Variants in SLC6A3 observed in about 807,000 individuals in gnomAD.
SLC6A3 encodes solute carrier family 6 member 3.
In SLC6A3, 19 loss-of-function variants were observed where a neutral mutation model predicts 70.4. The ratio of observed to expected loss-of-function variants is 0.27; its 90% CI spans 0.19 to 0.40. The LOEUF is 0.40. SLC6A3 is among the 10% of genes least tolerant of loss of function. The probability of loss-of-function intolerance (pLI) is 1.00; values close to 1 mark genes in which losing one functional copy is unlikely to be tolerated. For missense variants in SLC6A3, 613 were observed against 838.5 expected (o/e 0.73, Z 3.32); for synonymous variants, 368 against 356.6 (o/e 1.03, Z -0.36).
intron 4 of SLC6A3, among the ~76,000 whole-genome samples, chr5:1,422,472 G>A (rs868741931): frequency 1.0e-3 from 127 of 123,978 alleles, no homozygotes; most frequent in African/African-American, 3.7e-3. Context: ...GCTGCTGGGT[G>A]CCCACCGCTG....
rs1341710679 is a variant in SLC6A3, at chr5:1,421,843, C to A, written c.792+33G>T. ...ACATGTCCACTTGGTGGCCCCATGT[C>A]TACAGGCCCAATTGGTGACCCCCGA... On this transcript the variant is annotated intron_variant, in intron 5 of 14. Transcript: ENST00000270349. This position sits in a 1 kb window ranked among gnomAD's most constrained non-coding sequence, Gnocchi z 7.2. The A allele has an allele frequency of 6.2e-7, 1 of 1,611,762 alleles. No homozygotes were observed. The highest frequency in any genetic ancestry group is 1.1e-5 in the South Asian group (1 of 91,052).
In SLC6A3 at chr5:1,405,621, C is replaced by T. The variant is rs187969270; in HGVS notation, c.1599+567G>A. On this transcript the variant is annotated intron_variant, in intron 12 of 14. Coordinates refer to ENST00000270349, the MANE Select transcript of SLC6A3 (RefSeq NM_001044.5). This position sits in a 1 kb window ranked among gnomAD's most constrained non-coding sequence, Gnocchi z 5.3. ...GCAGGCAATCCCTAATGAAAGTGTG[C>T]GGCCACCTTCCAACAAAACTCTATT... Among the ~76,000 whole-genome samples the T allele has an allele frequency of 4.6e-5, 7 of 152,330 alleles. No individual in the cohort carries two copies. The highest frequency in any genetic ancestry group is 1.9e-4 in the East Asian group (1 of 5,186).
intron 2 of SLC6A3, 78 bp from the exon 3 acceptor site, chr5:1,441,568 C>A: frequency 6.5e-7 from 1 of 1,530,220 alleles, no homozygotes; most frequent in Non-Finnish European, 8.9e-7. Flanking sequence ...GGCGGCTACC[C>A]CAGTCAACCA....
chr5:1,444,237 G>A (rs1022105124), intron 1 of SLC6A3, among the ~76,000 whole-genome samples: 1 of 152,100 alleles, frequency 6.6e-6, no homozygotes, highest in Admixed American at 6.5e-5. Context: ...CTGTCCAAAC[G>A]GCTACATAAA....
In SLC6A3 at chr5:1,398,137, G is replaced by A. The variant is rs1579697682; in HGVS notation, c.1839+2778C>T. ...GCACTCTGGGAGGCAGAGGTGGGCA[G>A]ATCACTTGAGATCAGGAGTTCGAGA... On this transcript the variant is annotated intron_variant, in intron 14 of 14. Coordinates refer to ENST00000270349, the MANE Select transcript of SLC6A3 (RefSeq NM_001044.5). Among the ~76,000 whole-genome samples the A allele has an allele frequency of 5.9e-5, 9 of 152,304 alleles. No individual in the cohort carries two copies. In the South Asian group the frequency reaches 1.9e-3, roughly 32 times the overall value.
chr5:1,428,877 G>A (rs540228375), intron 4 of SLC6A3, among the ~76,000 whole-genome samples: 6 of 152,206 alleles, frequency 3.9e-5, no homozygotes, highest in Admixed American at 6.5e-5. Flanking sequence ...AAAAACGCAC[G>A]ATAAAGCCCT....
chr5:1,441,332 G>C (rs760910037), intron 3 of SLC6A3, 27 bp downstream of exon 3: 19 of 1,613,784 alleles, frequency 1.2e-5, no homozygotes, highest in Non-Finnish European at 1.6e-5. Context: ...CGCTGCGCCA[G>C]GGTGAAGGGA....
rs929166533 is a variant in SLC6A3, at chr5:1,441,240, C to T, written c.418+119G>A. On this transcript the variant is annotated intron_variant, in intron 3 of 14. Coordinates refer to ENST00000270349, the MANE Select transcript of SLC6A3 (RefSeq NM_001044.5). ...CCAAGTTCAAGTGGCGTGTGCCATG[C>T]CTGTGTCTTAGCAAAGCAGGGCTGG... The T allele has an allele frequency of 1.2e-5, 15 of 1,242,674 alleles. No individual in the cohort carries two copies. In the African/African-American group the frequency reaches 2.1e-4, roughly 17 times the overall value. The allele number at this position is 1,242,674 out of a possible 1,614,324, so 77.0% of individuals were successfully genotyped here. A position where few individuals can be genotyped will look rare whatever the true frequency, so the allele number is the denominator to read the frequency against.
intron 2 of SLC6A3, 133 bp from the exon 3 acceptor site, chr5:1,441,623 G>T: frequency 1.9e-6 from 2 of 1,052,420 alleles, no homozygotes; most frequent in South Asian, 1.6e-5. Context: ...CCAACGGGAA[G>T]TCCCAGGCTA....
rs28363103 is a variant in SLC6A3, at chr5:1,410,032, C to T, written c.1270-183G>A. ...CAGCTGTTGGCGAGGGCTTCTATGG[C>T]GGCACGACCGCAGGAGAGAGGACCC... On this transcript the variant is annotated intron_variant, in intron 9 of 14. Coordinates refer to ENST00000270349, the MANE Select transcript of SLC6A3 (RefSeq NM_001044.5). Among the ~76,000 whole-genome samples, 120 of 152,322 alleles carry T rather than the reference C, an allele frequency of 7.9e-4. No homozygotes were observed. The East Asian group carries it at 0.02, about 25-fold the overall frequency.
intron 2 of SLC6A3, among the ~76,000 whole-genome samples, chr5:1,441,797 G>A (rs550608230): frequency 9.9e-5 from 15 of 152,240 alleles, no homozygotes; most frequent in African/African-American, 2.2e-4. Flanking sequence ...ATCCTTCCCC[G>A]TGGTGGTTCG....
In SLC6A3 at chr5:1,442,889, A is replaced by T. The variant is rs1292608181; in HGVS notation, c.286+23T>A. On this transcript the variant is annotated intron_variant, in intron 2 of 14. Transcript: ENST00000270349. The surrounding 1 kb of genome is among the most constrained non-coding windows in gnomAD (Gnocchi z 5.0). ...CGACCCCCGCCCGGCCAGCATGCTCAGGGAGGCTGAGATGGGACTTACCGC... is the reference window on the plus strand; with the variant it reads ...CGACCCCCGCCCGGCCAGCATGCTCTGGGAGGCTGAGATGGGACTTACCGC... 9 of 1,613,932 alleles carry T rather than the reference A, an allele frequency of 5.6e-6. No individual in the cohort carries two copies. The highest frequency in any genetic ancestry group is 7.6e-6 in the Non-Finnish European group (9 of 1,179,872).
chr5:1,405,331 T>G lies in SLC6A3; in HGVS notation c.1599+857A>C, dbSNP rs1047785568. The stretch of plus-strand genomic sequence containing the variant: ...CTACGGGGCTGTCCCACCTGCTGTG[T>G]GCAGGTGACGAGGGGTCTCCACGCA... On this transcript the variant is annotated intron_variant, in intron 12 of 14. Coordinates refer to ENST00000270349, the MANE Select transcript of SLC6A3 (RefSeq NM_001044.5). This position sits in a 1 kb window ranked among gnomAD's most constrained non-coding sequence, Gnocchi z 5.3. 2.4e-4 allele frequency among the ~76,000 whole-genome samples: 36 copies of G among 152,242 alleles called. No individual in the cohort carries two copies. The highest frequency in any genetic ancestry group is 8.7e-4 in the African/African-American group (36 of 41,460).
chr5:1,417,385 A>G (rs1579712316), intron 6 of SLC6A3, among the ~76,000 whole-genome samples: 1 of 152,230 alleles, frequency 6.6e-6, no homozygotes, highest in African/African-American at 2.4e-5. Context: ...ACCCATCCAC[A>G]TGCTACATGA....
chr5:1,395,122 G>A (rs1755684085), intron 14 of SLC6A3, among the ~76,000 whole-genome samples: 1 of 152,134 alleles, frequency 6.6e-6, no homozygotes, highest in Non-Finnish European at 1.5e-5. Flanking sequence ...CAGCGACTTG[G>A]GTGTGACGTG....
rs567939884 is a variant in SLC6A3, at chr5:1,413,945, G to T, written c.1156+746C>A. Among the ~76,000 whole-genome samples the T allele has an allele frequency of 6.6e-6, 1 of 152,128 alleles. No homozygotes were observed. The highest frequency in any genetic ancestry group is 2.4e-5 in the African/African-American group (1 of 41,418). On this transcript the variant is annotated intron_variant, in intron 8 of 14. Transcript: ENST00000270349. The surrounding 1 kb of genome is among the most constrained non-coding windows in gnomAD (Gnocchi z 7.1). Reference sequence around the variant, plus strand: ...TGGCACACTTCTTGCTGTGGCCAAGGCCTCCCCCCACCACTCACCTGTGCC... The same window carrying T: ...TGGCACACTTCTTGCTGTGGCCAAGTCCTCCCCCCACCACTCACCTGTGCC...
At position 1,405,949 on chromosome 5, in the gene SLC6A3, T is replaced by C. The variant is rs1755968178; in HGVS notation, c.1599+239A>G. ...CCCAAGTGCAGGACTCACAACGGAC[T>C]GTGACAGGGGTCCAAGACCATGTGA... On this transcript the variant is annotated intron_variant, in intron 12 of 14. Coordinates refer to ENST00000270349, the MANE Select transcript of SLC6A3 (RefSeq NM_001044.5). The surrounding 1 kb of genome is among the most constrained non-coding windows in gnomAD (Gnocchi z 5.3). 6.6e-6 allele frequency among the ~76,000 whole-genome samples: 1 copy of C among 152,158 alleles called. No homozygotes were observed. The highest frequency in any genetic ancestry group is 1.5e-5 in the Non-Finnish European group (1 of 68,026).
intron 4 of SLC6A3, 24 bp downstream of exon 4, chr5:1,432,440 C>T (rs1403186797): frequency 6.3e-7 from 1 of 1,578,170 alleles, no homozygotes; most frequent in Non-Finnish European, 8.7e-7. Context: ...CTCTCCCGTT[C>T]CCGAGGACCC....
At position 1,414,917 on chromosome 5, in the gene SLC6A3, G is replaced by A. The variant is rs1011787698; in HGVS notation, c.1032-102C>T. ...TTACTGTGTCTGGGGAAGGGGGCGG[G>A]AGGTCTTCGGAGGGGCTACTTTTCC... On this transcript the variant is annotated intron_variant, in intron 7 of 14. Coordinates refer to ENST00000270349, the MANE Select transcript of SLC6A3 (RefSeq NM_001044.5). The A allele has an allele frequency of 1.2e-5, 18 of 1,446,974 alleles. No homozygotes were observed. In the African/African-American group the frequency reaches 2.5e-4, roughly 20 times the overall value. The allele number at this position is 1,446,974 out of a possible 1,614,324, so 89.6% of individuals were successfully genotyped here.
Sources: gnomAD v4.1 joint callset for allele counts (sites outside exome capture counted in the v4.1 genomes callset) on GRCh38, gnomAD v4.1.1 for gene constraint, Gnocchi (gnomAD v3.1) non-coding constraint, MANE v1.5 for transcripts, NCBI Gene and HGNC (gene_info 2026-07-23, HGNC 2026-07-21) for gene names.